Variants in MFSD8 observed in about 807,000 individuals in gnomAD.
MFSD8 encodes the protein major facilitator superfamily domain-containing protein 8.
A neutral mutation model predicts 66.4 loss-of-function variants in MFSD8; 55 were observed. That is an observed-to-expected ratio of 0.83 (90% CI 0.67 to 1.04). The LOEUF is 1.04. Ranked by LOEUF, MFSD8 falls within the 50% of genes least tolerant of loss-of-function variation. The probability of loss-of-function intolerance (pLI) is 0.00; values close to 1 mark genes in which losing one functional copy is unlikely to be tolerated. For synonymous variants in MFSD8, 202 were observed against 212.8 expected, an observed-to-expected ratio of 0.95 and a Z score of 0.44; for missense variants, 550 against 627.6, an observed-to-expected ratio of 0.88 and a Z score of 1.32.
intron 4 of MFSD8, chr4:127,943,491 A>G (rs1240534493): frequency 7.3e-6 from 3 of 411,064 alleles, no homozygotes; most frequent in Admixed American, 3.8e-5. Context: ...AGTAGCTGGT[A>G]TTATAGGCAC....
intron 1 of MFSD8, among the ~76,000 whole-genome samples, chr4:127,963,726 A>G (rs557055393): frequency 2.6e-5 from 4 of 152,310 alleles, no homozygotes; most frequent in African/African-American, 9.6e-5. Context: ...CAGTAGCAAG[A>G]TTTATCGCAA....
intron 2 of MFSD8, among the ~76,000 whole-genome samples, chr4:127,953,541 C>CTT (rs1742359655): frequency 6.9e-5 from 6 of 86,710 alleles, no homozygotes; most frequent in African/African-American, 1.4e-4. Flanking sequence ...ACAAGGCATT[C>CTT]TGTTTTTTTT....
intron 9 of MFSD8, among the ~76,000 whole-genome samples, chr4:127,923,551 A>T (rs898202807): frequency 2.0e-5 from 2 of 100,280 alleles, no homozygotes; most frequent in Non-Finnish European, 3.9e-5. Context: ...TTTTATTTTT[A>T]TTTATTATTA....
intron 8 of MFSD8, 104 bp from the exon 9 acceptor site, chr4:127,930,921 G>GTA: frequency 8.7e-7 from 1 of 1,150,850 alleles, no homozygotes; most frequent in Non-Finnish European, 1.2e-6. Context: ...TCAAGAATGT[G>GTA]CATGCCTTTT....
Position 127,921,885 on chromosome 4 carries a change from A to G in MFSD8, c.1077T>C (p.Asn359=). ...VGFFILLPWG[N]QFPKIQWEDL... ...CTTCCCACTGTATTTTGGGAAATTGATTTCCCCAAGGTAACAAGATAAAGA... is the reference window on the plus strand; with the variant it reads ...CTTCCCACTGTATTTTGGGAAATTGGTTTCCCCAAGGTAACAAGATAAAGA... The change falls in exon 10 of 12, where the codon AAT becomes AAC. Residue 359 remains asparagine, a synonymous_variant. Transcript: ENST00000641686. 1 of 1,614,162 alleles carries G rather than the reference A, an allele frequency of 6.2e-7. No individual in the cohort carries two copies. Among genetic ancestry groups the G allele is most frequent in the Non-Finnish European group, 8.5e-7 (1 of 1,180,016 alleles).
intron 1 of MFSD8, among the ~76,000 whole-genome samples, chr4:127,960,877 C>T (rs1011389901): frequency 7.2e-5 from 11 of 152,088 alleles, no homozygotes; most frequent in Admixed American, 5.9e-4. Context: ...CTATATTATA[C>T]TTATTATTAT....
At chr4:127,928,287 T>G (rs533798490) in intron 9 of MFSD8, among the ~76,000 whole-genome samples, 1 of 152,146 alleles carries the variant, frequency 6.6e-6, no homozygotes, top group South Asian at 2.1e-4. Context: ...GTAGAAAAAT[T>G]TTTGTATTTT....
chr4:127,929,894 T>A (rs1268123226), intron 9 of MFSD8, among the ~76,000 whole-genome samples: 1 of 152,140 alleles, frequency 6.6e-6, no homozygotes, highest in Non-Finnish European at 1.5e-5. Context: ...ATTATACGAA[T>A]GTATCAAATG....
At chr4:127,954,665 G>A (rs1742563170) in intron 2 of MFSD8, among the ~76,000 whole-genome samples, 1 of 152,202 alleles carries the variant, frequency 6.6e-6, no homozygotes, top group African/African-American at 2.4e-5. Context: ...TAACACTTCT[G>A]TGAATGTGAA....
At chr4:127,927,845 C>T (rs985887299) in intron 9 of MFSD8, among the ~76,000 whole-genome samples, 2 of 152,032 alleles carry the variant, frequency 1.3e-5, no homozygotes, top group East Asian at 3.9e-4. Context: ...CTCCATCATA[C>T]CCAGCTAATT....
intron 3 of MFSD8, among the ~76,000 whole-genome samples, chr4:127,946,915 C>CA (rs113459300): frequency 3.5e-4 from 51 of 146,058 alleles, no homozygotes; most frequent in African/African-American, 6.1e-4. Context: ...ACTCCATTTA[C>CA]AAAAAAAACC....
intron 9 of MFSD8, among the ~76,000 whole-genome samples, chr4:127,924,112 T>TATCTGG (rs1736809751): frequency 6.6e-6 from 1 of 152,134 alleles, no homozygotes; most frequent in Non-Finnish European, 1.5e-5. Context: ...GCTGTGAATC[T>TATCTGG]ATCTGGTCCT....
intron 2 of MFSD8, among the ~76,000 whole-genome samples, chr4:127,951,844 TCA>T (rs150930581): frequency 0.027 from 4,058 of 150,020 alleles, 157 homozygotes; most frequent in African/African-American, 0.094. Context: ...TTCTCACACC[TCA>T]GTCTCCAGAG....
At chr4:127,917,748 G>A (rs185267159), downstream of MFSD8, 1 of 152,238 alleles carries the variant, frequency 6.6e-6, no homozygotes, top group African/African-American at 2.4e-5. Context: ...GGCACATAGT[G>A]GGTACCCCCT....
rs2148921601 is a variant in MFSD8, at chr4:127,943,752, C to T, written c.439G>A (p.Gly147Arg). The T allele has an allele frequency of 1.2e-6, 2 of 1,614,074 alleles. No homozygotes were observed. Among genetic ancestry groups the T allele is most frequent in the Non-Finnish European group, 1.7e-6 (2 of 1,180,026 alleles). The change falls in exon 4 of 12, where the codon GGA becomes AGA. Residue 147 changes from glycine to arginine, a missense_variant and splice_region_variant. Physicochemically the swap from Gly to Arg is moderately radical, Grantham distance 125. Coordinates refer to ENST00000641686, the MANE Select transcript of MFSD8 (RefSeq NM_001371596.2). The stretch of plus-strand genomic sequence containing the variant: ...ACCAAACATATACATACAACCTTAC[C>T]TGCTCCAATTCCCAACAATCCACGA... ...VARGLLGIGA[G>R]NVAVVRSYTA...
chr4:127,946,198 TACAGGCACGTGAGTC>T (rs1308398764), intron 3 of MFSD8, among the ~76,000 whole-genome samples: 2 of 152,140 alleles, frequency 1.3e-5, no homozygotes, highest in African/African-American at 2.4e-5. Flanking sequence ...GCGCTGGGAT[TACAGGCACGTGAGTC>T]ACAGCACTGG....
Position 127,939,863 on chromosome 4 carries a change from C to T in MFSD8, c.688G>A (p.Ala230Thr). The T allele has an allele frequency of 1.9e-6, 3 of 1,612,460 alleles. No homozygotes were observed. Among genetic ancestry groups the T allele is most frequent in the Non-Finnish European group, 1.7e-6 (2 of 1,179,174 alleles). ...LGILNIILIL[A>T]ILREHRVDDS... is the part of the protein sequence containing the mutation. Reference sequence around the variant, plus strand: ...TTTCTATCTAATTACCTTAGTATGGCAAGGATCAGAATAATATTTAAAATT... The same window carrying T: ...TTTCTATCTAATTACCTTAGTATGGTAAGGATCAGAATAATATTTAAAATT... The change falls in exon 6 of 12, where the codon GCC becomes ACC. Residue 230 changes from alanine to threonine, a missense_variant. Coordinates refer to ENST00000641686, the MANE Select transcript of MFSD8 (RefSeq NM_001371596.2).
rs1736332381 is a variant in MFSD8 at position 127,921,522 on chromosome 4, A to G, written c.1350+2T>C. The G allele has an allele frequency of 6.2e-7, 1 of 1,614,202 alleles. No homozygotes were observed. Among genetic ancestry groups the G allele is most frequent in the Non-Finnish European group, 8.5e-7 (1 of 1,180,044 alleles). On this transcript the variant is annotated splice_donor_variant, in intron 11 of 11. Transcript: ENST00000641686. LOFTEE classifies it high-confidence loss of function. The stretch of plus-strand genomic sequence containing the variant: ...ATTGCAATGTCAGGGTACCTGGCTT[A>G]CCTGAGGTTTTGGTCCTAGAATTTT...
intron 3 of MFSD8, among the ~76,000 whole-genome samples, chr4:127,949,365 A>G (rs1741573924): frequency 6.6e-6 from 1 of 152,198 alleles, no homozygotes; most frequent in African/African-American, 2.4e-5. Flanking sequence ...AAAAATACAT[A>G]TGTTCTAGTC....
Sources: allele counts gnomAD v4.1 joint callset (sites outside exome capture counted in the v4.1 genomes callset), GRCh38; gene constraint gnomAD v4.1.1; transcripts MANE v1.5; gene names NCBI Gene and HGNC (gene_info 2026-07-23, HGNC 2026-07-21).